The following ROBO2 variants were observed in gnomAD, a reference collection of about 807,000 sequenced individuals.
ROBO2 encodes the protein roundabout guidance receptor 2.
ROBO2 carries 53 observed loss-of-function variants against 160.8 expected under a neutral mutation model. The ratio of observed to expected loss-of-function variants is 0.33; its 90% CI spans 0.26 to 0.41. The LOEUF is 0.41. Ranked by LOEUF, ROBO2 falls within the 10% of genes least tolerant of loss-of-function variation. ROBO2 has a pLI of 1.00. For missense variants in ROBO2, 1,577 were observed against 1,722.4 expected, an observed-to-expected ratio of 0.92 and a Z score of 1.49; for synonymous variants, 664 against 611.7, an observed-to-expected ratio of 1.09 and a Z score of -1.26.
At chr3:76,002,470 C>A (rs1197690255) in intron 2 of ROBO2, among the ~76,000 whole-genome samples, 2 of 152,070 alleles carry the variant, frequency 1.3e-5, no homozygotes, top group Non-Finnish European at 2.9e-5. Flanking sequence ...ACTATTGAAT[C>A]ACGGGGGCAG....
At chr3:76,424,330 A>T (rs2076121895) in intron 2 of ROBO2, among the ~76,000 whole-genome samples, 1 of 152,332 alleles carries the variant, frequency 6.6e-6, no homozygotes, top group Admixed American at 6.5e-5. Context: ...ATGTTTATAC[A>T]TCATTTCATT....
chr3:77,315,017 T>C (rs138321776), intron 2 of ROBO2, among the ~76,000 whole-genome samples: 1 of 152,162 alleles, frequency 6.6e-6, no homozygotes, highest in African/African-American at 2.4e-5. Flanking sequence ...ATATTCTGAA[T>C]AATAATAAAA....
intron 2 of ROBO2, among the ~76,000 whole-genome samples, chr3:75,994,507 C>T (rs781017117): frequency 1.7e-4 from 26 of 152,270 alleles, no homozygotes; most frequent in Non-Finnish European, 3.1e-4. Context: ...TTTGGCATTT[C>T]CCCTGCTGGC....
Position 77,086,782 on chromosome 3 carries a change from GC to G in ROBO2, c.62-11230del, listed in dbSNP as rs2069382472. Among the ~76,000 whole-genome samples the G allele has an allele frequency of 1.3e-5, 2 of 152,104 alleles. 1 individual carries two copies. The highest frequency in any genetic ancestry group is 4.1e-4 in the South Asian group (2 of 4,830). On this transcript the variant is annotated intron_variant, in intron 1 of 25. Coordinates refer to ENST00000461745, the Ensembl canonical transcript of ROBO2. ...CTATAATTTTTCTGGTCGTGATTTA[GC>G]CATTATTCCTTTAAGAAACTATTGG...
chr3:77,107,215 A>G (rs1186925769), intron 2 of ROBO2, among the ~76,000 whole-genome samples: 3 of 152,124 alleles, frequency 2.0e-5, no homozygotes, highest in Non-Finnish European at 4.4e-5. Context: ...CAAACGCTCC[A>G]CCTTCAGTGA....
chr3:77,597,713 G>A (rs77004697), intron 19 of ROBO2, among the ~76,000 whole-genome samples: 6,976 of 34,458 alleles, frequency 0.2, 324 homozygotes, highest in African/African-American at 0.37. Context: ...CAAAAGTATG[G>A]AAAAAAAAAA....
chr3:76,075,258 G>A (rs1435029988), intron 2 of ROBO2, among the ~76,000 whole-genome samples: 1 of 151,794 alleles, frequency 6.6e-6, no homozygotes. Context: ...AAGGCTGAGA[G>A]TGGCCAGGGG....
At chr3:76,442,710 C>G (rs923872190) in intron 2 of ROBO2, among the ~76,000 whole-genome samples, 1 of 152,108 alleles carries the variant, frequency 6.6e-6, no homozygotes, top group Non-Finnish European at 1.5e-5. Flanking sequence ...CCATTCTGCC[C>G]GGTTAGTGAA....
chr3:76,159,404 A>AT (rs2072533410), intron 2 of ROBO2, among the ~76,000 whole-genome samples: 2 of 152,314 alleles, frequency 1.3e-5, no homozygotes, highest in South Asian at 2.1e-4. Flanking sequence ...AACTCATTAG[A>AT]TTTTTTGGAA....
intron 2 of ROBO2, among the ~76,000 whole-genome samples, chr3:77,411,023 C>G (rs1216881770): frequency 6.6e-6 from 1 of 152,026 alleles, no homozygotes; most frequent in Non-Finnish European, 1.5e-5. Context: ...CAGCTGTTCT[C>G]AAATTCCTGG....
chr3:77,643,787 A>C (rs553362518), intron 24 of ROBO2, among the ~76,000 whole-genome samples: 40 of 152,274 alleles, frequency 2.6e-4, no homozygotes, highest in Admixed American at 9.8e-4. Context: ...TTGGTGCTCA[A>C]GTTTTTGGAA....
At chr3:76,517,443 C>T (rs1463972730) in intron 2 of ROBO2, among the ~76,000 whole-genome samples, 1 of 152,202 alleles carries the variant, frequency 6.6e-6, no homozygotes, top group Admixed American at 6.5e-5. Flanking sequence ...ATATTTTTCT[C>T]TTCATCTTCC....
At chr3:76,980,876 A>G (rs1352340084) in intron 2 of ROBO2, among the ~76,000 whole-genome samples, 9 of 152,124 alleles carry the variant, frequency 5.9e-5, no homozygotes, top group Non-Finnish European at 1.5e-5. Context: ...CTAATCATCT[A>G]CATTTTCTAC....
At chr3:76,656,076 C>G (rs2091508360) in intron 2 of ROBO2, among the ~76,000 whole-genome samples, 1 of 151,960 alleles carries the variant, frequency 6.6e-6, no homozygotes, top group Admixed American at 6.6e-5. Flanking sequence ...TTTAAGTGTA[C>G]TAAGCAAAAA....
intron 2 of ROBO2, among the ~76,000 whole-genome samples, chr3:75,956,289 T>C (rs1323066909): frequency 6.6e-6 from 1 of 151,748 alleles, no homozygotes; most frequent in Admixed American, 6.6e-5. Context: ...GTGTCCGTCC[T>C]AGTAGCTATA....
intron 2 of ROBO2, among the ~76,000 whole-genome samples, chr3:76,257,723 T>C (rs914460217): frequency 1.3e-5 from 2 of 152,026 alleles, no homozygotes; most frequent in African/African-American, 4.8e-5. Context: ...CTGCATACAG[T>C]TATTTCTGTA....
intron 2 of ROBO2, among the ~76,000 whole-genome samples, chr3:76,037,084 C>T (rs1230249554): frequency 2.6e-5 from 4 of 151,882 alleles, no homozygotes; most frequent in Non-Finnish European, 4.4e-5. Context: ...TATGCTCATC[C>T]ATCTCCATTG....
chr3:77,532,192 T>C (rs2153635637), intron 6 of ROBO2, among the ~76,000 whole-genome samples: 1 of 152,152 alleles, frequency 6.6e-6, no homozygotes, highest in South Asian at 2.1e-4. Context: ...GGCTGGGTCT[T>C]AAATTACTCT....
At chr3:76,179,486 C>T (rs1701394251) in intron 2 of ROBO2, among the ~76,000 whole-genome samples, 1 of 152,148 alleles carries the variant, frequency 6.6e-6, no homozygotes, top group Non-Finnish European at 1.5e-5. Flanking sequence ...CACAGTTAAT[C>T]ATTGAGCCTT....
Sources: gnomAD v4.1 joint callset for allele counts (sites outside exome capture counted in the v4.1 genomes callset) on GRCh38, gnomAD v4.1.1 for gene constraint, MANE v1.5 for transcripts, NCBI Gene and HGNC (gene_info 2026-07-23, HGNC 2026-07-21) for gene names.